The following SAMD5 variants were observed in gnomAD, a reference collection of about 807,000 sequenced individuals.
The protein encoded by SAMD5 is sterile alpha motif domain-containing protein 5.
A neutral mutation model predicts 11.3 loss-of-function variants in SAMD5; 13 were observed. That is an observed-to-expected ratio of 1.15 (90% CI 0.75 to 1.83). The LOEUF (loss-of-function observed/expected upper bound fraction) is 1.83, where lower values mean the gene tolerates loss of function less well. Ranked by LOEUF, SAMD5 falls within the 40% of genes most tolerant of loss-of-function variation. The probability of loss-of-function intolerance (pLI) is 0.00; values close to 1 mark genes in which losing one functional copy is unlikely to be tolerated. For synonymous variants in SAMD5, 129 were observed against 111.3 expected, an observed-to-expected ratio of 1.16 and a Z score of -1.00; for missense variants, 255 against 239.1, an observed-to-expected ratio of 1.07 and a Z score of -0.44.
At chr6:147,669,710 C>T (rs945432789) in intron 1 of SAMD5, among the ~76,000 whole-genome samples, 1 of 151,990 alleles carries the variant, frequency 6.6e-6, no homozygotes, top group South Asian at 2.1e-4. Context: ...GGATTACAGG[C>T]GTGATCCACC....
chr6:147,878,484 T>C, the SAMD5 span, among the ~76,000 whole-genome samples: 1 of 151,362 alleles, frequency 6.6e-6, no homozygotes, highest in African/African-American at 2.4e-5. Flanking sequence ...TATTTATAGA[T>C]TAGTATCTAA....
intron 1 of SAMD5, among the ~76,000 whole-genome samples, chr6:147,659,175 TGTTAATAG>T (rs1790611603): frequency 6.6e-6 from 1 of 152,210 alleles, no homozygotes; most frequent in Non-Finnish European, 1.5e-5. Context: ...TGCTGTGAGT[TGTTAATAG>T]GTTAATAGGT....
intron 1 of SAMD5, among the ~76,000 whole-genome samples, chr6:147,697,333 C>T (rs1426630615): frequency 2.6e-5 from 4 of 152,100 alleles, no homozygotes; most frequent in African/African-American, 7.2e-5. Flanking sequence ...TTCTCTAAAC[C>T]CAGTTTGGCC....
chr6:147,746,841 C>A, the SAMD5 span, among the ~76,000 whole-genome samples: 6 of 152,186 alleles, frequency 3.9e-5, no homozygotes, highest in African/African-American at 1.4e-4. Flanking sequence ...AGGCGGCAGC[C>A]TGGATTTGCC....
chr6:147,657,318 T>C (rs1028634970), intron 1 of SAMD5, among the ~76,000 whole-genome samples: 3 of 152,178 alleles, frequency 2.0e-5, no homozygotes, highest in Non-Finnish European at 4.4e-5. Context: ...TAATGTTAAA[T>C]GTCCTGAAGT....
chr6:147,511,468 C>A (rs1206191651), intron 1 of SAMD5, among the ~76,000 whole-genome samples: 1 of 152,240 alleles, frequency 6.6e-6, no homozygotes, highest in African/African-American at 2.4e-5. Context: ...CTTCAGTCAA[C>A]TTTGCTTTAA....
At chr6:147,559,971 C>G (rs1408653486) in intron 1 of SAMD5, among the ~76,000 whole-genome samples, 1 of 152,138 alleles carries the variant, frequency 6.6e-6, no homozygotes, top group Non-Finnish European at 1.5e-5. Context: ...CATATGGGCT[C>G]AGTGAACATA....
chr6:147,799,906 G>C, the SAMD5 span, among the ~76,000 whole-genome samples: 1 of 152,052 alleles, frequency 6.6e-6, no homozygotes, highest in South Asian at 2.1e-4. Context: ...TGGAGCCTTG[G>C]TTTTCAGCTC....
the SAMD5 span, among the ~76,000 whole-genome samples, chr6:147,870,979 G>C: frequency 2.0e-5 from 3 of 152,058 alleles, no homozygotes; most frequent in Admixed American, 2.0e-4. Flanking sequence ...TTGGGATTAG[G>C]GGTAGCTTTG....
chr6:147,749,386 T>G, the SAMD5 span, among the ~76,000 whole-genome samples: 1 of 152,156 alleles, frequency 6.6e-6, no homozygotes, highest in African/African-American at 2.4e-5. Context: ...GCAAAGCTGG[T>G]CTTGAACTCC....
chr6:147,705,235 T>C (rs1028096355), intron 1 of SAMD5, among the ~76,000 whole-genome samples: 1 of 152,216 alleles, frequency 6.6e-6, no homozygotes, highest in African/African-American at 2.4e-5. Flanking sequence ...TTATATGTAT[T>C]GTCTGAGTAG....
At position 147,602,794 on chromosome 6, in the gene SAMD5, C is replaced by A. The variant is rs539132401; in HGVS notation, c.162+93407C>A. ...AAACCAACCAAACAAAAAAAAAACTCACCCAATAAAATAGAGTAGTTCTAG... is the reference window on the plus strand; with the variant it reads ...AAACCAACCAAACAAAAAAAAAACTAACCCAATAAAATAGAGTAGTTCTAG... On this transcript the variant is annotated intron_variant, in intron 1 of 1. Coordinates refer to the SAMD5 transcript ENST00000566741. Among the ~76,000 whole-genome samples the A allele has an allele frequency of 2.7e-3, 413 of 151,158 alleles. 3 individuals carry two copies. The highest frequency in any genetic ancestry group is 9.4e-3 in the African/African-American group (386 of 41,160).
At chr6:147,525,550 T>C (rs894599592) in intron 1 of SAMD5, among the ~76,000 whole-genome samples, 8 of 151,998 alleles carry the variant, frequency 5.3e-5, no homozygotes, top group African/African-American at 1.7e-4. Context: ...GGGTAATGAC[T>C]GTAACTTTTC....
At chr6:147,771,762 A>G in the SAMD5 span, among the ~76,000 whole-genome samples, 4 of 152,208 alleles carry the variant, frequency 2.6e-5, no homozygotes, top group Admixed American at 6.5e-5. Flanking sequence ...GTGTTCATCA[A>G]AAAGGAAAGA....
chr6:147,806,068 G>A, the SAMD5 span, among the ~76,000 whole-genome samples: 1 of 152,256 alleles, frequency 6.6e-6, no homozygotes, highest in African/African-American at 2.4e-5. Flanking sequence ...AGCAGCCAAG[G>A]GGAGGAACCA....
At chr6:147,871,889 G>A in the SAMD5 span, among the ~76,000 whole-genome samples, 2 of 152,016 alleles carry the variant, frequency 1.3e-5, no homozygotes, top group South Asian at 2.1e-4. Context: ...CTAATATAGC[G>A]AATTAAATCT....
the SAMD5 span, among the ~76,000 whole-genome samples, chr6:147,892,707 G>T: frequency 6.6e-6 from 1 of 152,126 alleles, no homozygotes; most frequent in Admixed American, 6.5e-5. Flanking sequence ...GATGGGAAAG[G>T]CAGCGCCTTA....
chr6:147,640,599 A>G (rs1276646891), intron 1 of SAMD5, among the ~76,000 whole-genome samples: 3 of 151,880 alleles, frequency 2.0e-5, no homozygotes, highest in Admixed American at 6.6e-5. Context: ...AGCATGGTTA[A>G]TGCTAAAGTT....
intron 1 of SAMD5, among the ~76,000 whole-genome samples, chr6:147,656,899 C>CGTGTAT (rs147835019): frequency 6.7e-6 from 1 of 149,062 alleles, no homozygotes; most frequent in Non-Finnish European, 1.5e-5. Flanking sequence ...ATACAGTATA[C>CGTGTAT]GTGTGTGTGT....
Sources: gnomAD v4.1 joint callset for allele counts (sites outside exome capture counted in the v4.1 genomes callset) on GRCh38, gnomAD v4.1.1 for gene constraint, MANE v1.5 for transcripts, NCBI Gene and HGNC (gene_info 2026-07-23, HGNC 2026-07-21) for gene names.